The following EPHB2 variants were observed in gnomAD, a reference collection of about 807,000 sequenced individuals.
EPHB2 encodes EPH receptor B2.
Under a neutral mutation model 96.4 loss-of-function variants are expected in EPHB2, and 18 were observed. The ratio of observed to expected loss-of-function variants is 0.19; its 90% CI spans 0.13 to 0.28. EPHB2 has a LOEUF of 0.28. Ranked by LOEUF, EPHB2 falls within the 10% of genes least tolerant of loss-of-function variation. EPHB2 has a pLI of 1.00. For synonymous variants in EPHB2, 506 were observed against 534.1 expected (o/e 0.95, Z 0.72); for missense variants, 989 against 1,355.4 (o/e 0.73, Z 4.25).
At chr1:22,907,895 G>A in intron 11 of EPHB2, 58 bp from the exon 12 acceptor site, 4 of 1,591,790 alleles carry the variant, frequency 2.5e-6, no homozygotes, top group Admixed American at 1.7e-5. Flanking sequence ...TGAGGATGAT[G>A]CAGAGCTCTG....
chr1:22,870,447 C>T (rs1036929534), intron 5 of EPHB2, among the ~76,000 whole-genome samples: 1 of 152,140 alleles, frequency 6.6e-6, no homozygotes, highest in Non-Finnish European at 1.5e-5. Context: ...GAGTGAGCCA[C>T]GCTACCCTCC....
At chr1:22,819,250 T>TCTCTCTCTCTC (rs1645118734) in intron 3 of EPHB2, among the ~76,000 whole-genome samples, 18 of 145,594 alleles carry the variant, frequency 1.2e-4, no homozygotes, top group Middle Eastern at 3.5e-3. Flanking sequence ...TCTCTCTCTC[T>TCTCTCTCTCTC]GCTGGTCTTT....
chr1:22,903,298 T>C (rs1639807753), intron 9 of EPHB2, among the ~76,000 whole-genome samples: 1 of 152,162 alleles, frequency 6.6e-6, no homozygotes, highest in African/African-American at 2.4e-5. Flanking sequence ...CTGAGTCATG[T>C]TGGGAGGGAG....
chr1:22,728,383 G>C lies in EPHB2; in HGVS notation c.61+17340G>C, dbSNP rs79192119. Among the ~76,000 whole-genome samples the C allele has an allele frequency of 3.7e-3, 568 of 152,328 alleles. 17 individuals are homozygous for C. In the East Asian group the frequency reaches 0.065, roughly 17 times the overall value. On this transcript the variant is annotated intron_variant, in intron 1 of 15. Transcript: ENST00000374630. The stretch of plus-strand genomic sequence containing the variant: ...GTATGATTATCTCCACTTTGCAGAG[G>C]AGGAAACTGAGCCTCAGAGAGATTA...
intron 1 of EPHB2, among the ~76,000 whole-genome samples, chr1:22,717,696 T>C (rs1211528553): frequency 6.6e-6 from 1 of 152,220 alleles, no homozygotes; most frequent in Non-Finnish European, 1.5e-5. Flanking sequence ...TTAGTTTCCG[T>C]AACCATTAAA....
rs990707655 is a variant in EPHB2, at chr1:22,853,313, G to A, written c.812-9724G>A. Among the ~76,000 whole-genome samples, 11 of 152,322 alleles carry A rather than the reference G, an allele frequency of 7.2e-5. No individual in the cohort carries two copies. In the South Asian group the frequency reaches 8.3e-4, roughly 11 times the overall value. On this transcript the variant is annotated intron_variant, in intron 3 of 15. Transcript: ENST00000374630. ...GCTTGCAGTGAGCCAAGATCGCGCC[G>A]CTGCACTCCAGCCTGGGCGACAAAC...
At chr1:22,854,386 C>A (rs1448924367) in intron 3 of EPHB2, among the ~76,000 whole-genome samples, 1 of 152,158 alleles carries the variant, frequency 6.6e-6, no homozygotes, top group Non-Finnish European at 1.5e-5. Context: ...GTGGTGTGCA[C>A]CTGTAGCCCC....
chr1:22,859,631 C>T (rs1260735013), intron 3 of EPHB2, among the ~76,000 whole-genome samples: 1 of 151,936 alleles, frequency 6.6e-6, no homozygotes, highest in Admixed American at 6.6e-5. Flanking sequence ...CCCGTGTCTA[C>T]TAAAAATACA....
chr1:22,772,064 C>T (rs1644386030), intron 1 of EPHB2, among the ~76,000 whole-genome samples: 1 of 151,910 alleles, frequency 6.6e-6, no homozygotes, highest in Admixed American at 6.6e-5. Context: ...ATTTACCACC[C>T]ACCCCACCCC....
chr1:22,842,690 C>A (rs1296149412), intron 3 of EPHB2, among the ~76,000 whole-genome samples: 1 of 152,172 alleles, frequency 6.6e-6, no homozygotes, highest in Non-Finnish European at 1.5e-5. Flanking sequence ...CCCTGTTTCC[C>A]ACTCAGTTCC....
chr1:22,787,915 C>T (rs1395370031), intron 3 of EPHB2, among the ~76,000 whole-genome samples: 4 of 152,188 alleles, frequency 2.6e-5, no homozygotes, highest in Admixed American at 2.6e-4. Context: ...TTTAAGGTCA[C>T]TCACGGGGTT....
At position 22,746,038 on chromosome 1, in the gene EPHB2, G is replaced by T. The variant is rs80141092; in HGVS notation, c.61+34995G>T. ...TGAGAAAGACCTCCAAATACATAGT[G>T]ATCAACTGCTCTGATCGAAATCTGG... On this transcript the variant is annotated intron_variant, in intron 1 of 15. Coordinates refer to ENST00000374630, the MANE Select transcript of EPHB2 (RefSeq NM_017449.5). 1.3e-4 allele frequency among the ~76,000 whole-genome samples: 20 copies of T among 152,292 alleles called. No homozygotes were observed. The East Asian group carries it at 3.9e-3, about 29-fold the overall frequency.
intron 1 of EPHB2, among the ~76,000 whole-genome samples, chr1:22,739,811 A>T (rs550443079): frequency 1.7e-4 from 26 of 152,234 alleles, no homozygotes; most frequent in Non-Finnish European, 3.2e-4. Flanking sequence ...GCCCTCCCCC[A>T]CATGCCCGGC....
intron 5 of EPHB2, among the ~76,000 whole-genome samples, chr1:22,873,231 A>G (rs1162847508): frequency 6.6e-6 from 1 of 152,206 alleles, no homozygotes; most frequent in Non-Finnish European, 1.5e-5. Context: ...TTTGTAGTTC[A>G]TCTGCTCCGG....
chr1:22,864,273 T>G (rs751342540), intron 4 of EPHB2, among the ~76,000 whole-genome samples: 1 of 152,192 alleles, frequency 6.6e-6, no homozygotes, highest in Non-Finnish European at 1.5e-5. Context: ...CTTGAACTCC[T>G]GACCTCAGGT....
At chr1:22,848,160 G>A (rs1342507779) in intron 3 of EPHB2, among the ~76,000 whole-genome samples, 1 of 152,166 alleles carries the variant, frequency 6.6e-6, no homozygotes, top group African/African-American at 2.4e-5. Context: ...AATCCTCAGT[G>A]TCCAGGAGGG....
rs1015556685 is a variant in EPHB2 at position 22,824,607 on chromosome 1, C to T, written c.812-38430C>T. On this transcript the variant is annotated intron_variant, in intron 3 of 15. Transcript: ENST00000374630. ...GAGGCTGGGCCTGCCATTGGGCAGC[C>T]GCCCCTGTTTACTCAGCTCCAGAAT... is the stretch of plus-strand genomic sequence containing the variant. 5.3e-5 allele frequency among the ~76,000 whole-genome samples: 8 copies of T among 152,330 alleles called. 1 individual carries two copies. The highest frequency in any genetic ancestry group is 3.4e-3 in the Middle Eastern group (1 of 294).
chr1:22,722,073 G>A (rs956629771), intron 1 of EPHB2, among the ~76,000 whole-genome samples: 1 of 152,144 alleles, frequency 6.6e-6, no homozygotes, highest in African/African-American at 2.4e-5. Context: ...TCAGCCTCCT[G>A]AGTAGCTGGA....
intron 13 of EPHB2, among the ~76,000 whole-genome samples, 190 bp downstream of exon 13, chr1:22,909,361 T>C (rs1404441828): frequency 6.6e-6 from 1 of 152,166 alleles, no homozygotes; most frequent in African/African-American, 2.4e-5. Context: ...CTCTGGACTC[T>C]CCAGGGGGTA....
Sources: allele counts gnomAD v4.1 joint callset (sites outside exome capture counted in the v4.1 genomes callset), GRCh38; gene constraint gnomAD v4.1.1; transcripts MANE v1.5; gene names NCBI Gene and HGNC (gene_info 2026-07-23, HGNC 2026-07-21).